Variants in KIF1B observed in about 807,000 individuals in gnomAD.
KIF1B encodes the protein kinesin family member 1B.
A neutral mutation model predicts 241.9 loss-of-function variants in KIF1B; 76 were observed. The ratio of observed to expected loss-of-function variants is 0.31; its 90% CI spans 0.26 to 0.38. KIF1B has a LOEUF of 0.38. KIF1B is among the 10% of genes least tolerant of loss of function. KIF1B has a pLI of 1.00. For missense variants in KIF1B, 1,622 were observed against 2,271.4 expected (o/e 0.71, Z 5.81); for synonymous variants, 750 against 796.7 (o/e 0.94, Z 0.99).
chr1:10,265,782 C>A (rs979825112), intron 5 of KIF1B, among the ~76,000 whole-genome samples: 23 of 151,992 alleles, frequency 1.5e-4, no homozygotes, highest in African/African-American at 5.6e-4. Flanking sequence ...CCCAGGAAGT[C>A]GAGGCTGCAG....
intron 24 of KIF1B, 52 bp from the exon 25 acceptor site, chr1:10,323,832 T>G: frequency 6.8e-7 from 1 of 1,466,474 alleles, no homozygotes. Flanking sequence ...GTCTCATCTC[T>G]GAAGCTTGCT....
intron 22 of KIF1B, chr1:10,304,580 C>T (rs1650730025): frequency 5.0e-6 from 8 of 1,614,144 alleles, no homozygotes; most frequent in Non-Finnish European, 6.8e-6. Context: ...CAGTTTGTGA[C>T]ACCTCCGCGG....
rs1249545848 is a variant in KIF1B at position 10,348,631 on chromosome 1, C to T, written c.3865-18C>T. On this transcript the variant is annotated intron_variant, in intron 36 of 48. Coordinates refer to ENST00000676179, the MANE Select transcript of KIF1B (RefSeq NM_001365951.3). ...ATAGATTGCTTCAGCTAAATTGCAA[C>T]CCTGCTTCATTACCTAGGGCATCCA... 1 of 1,606,386 alleles carries T rather than the reference C, an allele frequency of 6.2e-7. No homozygotes were observed. Among genetic ancestry groups the T allele is most frequent in the African/African-American group, 1.3e-5 (1 of 74,780 alleles).
At chr1:10,295,984 C>T (rs944358285) in intron 19 of KIF1B, among the ~76,000 whole-genome samples, 1 of 152,056 alleles carries the variant, frequency 6.6e-6, no homozygotes, top group African/African-American at 2.4e-5. Flanking sequence ...CTGCCAAGAA[C>T]TGAGAAGGAC....
At chr1:10,319,049 C>T (rs1411654624) in intron 22 of KIF1B, among the ~76,000 whole-genome samples, 3 of 151,230 alleles carry the variant, frequency 2.0e-5, no homozygotes, top group East Asian at 1.9e-4. Flanking sequence ...TATTGAAAAA[C>T]GCATGGAGTA....
In KIF1B at chr1:10,311,497, G is replaced by A. The variant is rs1263060684; in HGVS notation, c.2116-8546G>A. The stretch of plus-strand genomic sequence containing the variant: ...CAAAGTGCTGGGATTACGGGTGTGA[G>A]CCACCGCTCCAGGCCCCATTTTTTC... On this transcript the variant is annotated intron_variant, in intron 22 of 48. Transcript: ENST00000676179. 4.6e-5 allele frequency among the ~76,000 whole-genome samples: 7 copies of A among 151,298 alleles called. 1 individual carries two copies. The highest frequency in any genetic ancestry group is 1.7e-4 in the African/African-American group (7 of 40,652).
At chr1:10,266,559 ATAGT>A (rs1648474147) in intron 5 of KIF1B, among the ~76,000 whole-genome samples, 1 of 152,218 alleles carries the variant, frequency 6.6e-6, no homozygotes, top group African/African-American at 2.4e-5. Flanking sequence ...TACATCGTCC[ATAGT>A]TAGTAACAGT....
At chr1:10,363,038 C>T (rs1002372373) in intron 40 of KIF1B, among the ~76,000 whole-genome samples, 1 of 152,116 alleles carries the variant, frequency 6.6e-6, no homozygotes, top group Non-Finnish European at 1.5e-5. Flanking sequence ...CATCACTGCA[C>T]TCCAGCCTGG....
intron 39 of KIF1B, 120 bp from the exon 40 acceptor site, chr1:10,361,572 G>A: frequency 8.6e-7 from 1 of 1,168,324 alleles, no homozygotes; most frequent in East Asian, 2.3e-5. Flanking sequence ...GAAATAATTG[G>A]TGGAGCTAAA....
At position 10,343,961 on chromosome 1, in the gene KIF1B, A is replaced by T. The variant is rs144133720; in HGVS notation, c.3688+674A>T. On this transcript the variant is annotated intron_variant, in intron 34 of 48. Transcript: ENST00000676179. Reference sequence around the variant, plus strand: ...TCTTTGCATAGTAAATTTATTCTGTATGTTCAGTGATCTTGTTTTGATTTT... The same window carrying T: ...TCTTTGCATAGTAAATTTATTCTGTTTGTTCAGTGATCTTGTTTTGATTTT... Among the ~76,000 whole-genome samples the T allele has an allele frequency of 5.3e-3, 808 of 152,112 alleles. 6 individuals carry two copies. Among genetic ancestry groups the T allele is most frequent in the African/African-American group, 0.018 (766 of 41,478 alleles).
chr1:10,332,501 ATTTTTTTTTTTTTTT>A (rs568393252), intron 27 of KIF1B, among the ~76,000 whole-genome samples: 136 of 58,694 alleles, frequency 2.3e-3, no homozygotes, highest in Non-Finnish European at 3.4e-3. Context: ...GATAATAGTC[ATTTTTTTTTTTTTTT>A]TTTTTTTTTT....
Position 10,337,157 on chromosome 1 carries a change from T to C in KIF1B, c.3213T>C (p.Ser1071=), listed in dbSNP as rs1248609396. 1 of 1,614,224 alleles carries C rather than the reference T, an allele frequency of 6.2e-7. No homozygotes were observed. Among genetic ancestry groups the C allele is most frequent in the South Asian group, 1.1e-5 (1 of 91,086 alleles). Residue 1071 remains serine (S), a synonymous_variant, in exon 30 of 49, where the codon TCT becomes TCC. Coordinates refer to ENST00000676179, the MANE Select transcript of KIF1B (RefSeq NM_001365951.3). This position sits in a 1 kb window ranked among gnomAD's most constrained non-coding sequence, Gnocchi z 4.0. ...LRIVEGQGQS[S]EVITPPEEIS... Reference sequence around the variant, plus strand: ...TTGTGGAAGGACAGGGTCAGAGTTCTGAGGTCATCACTCCTCCAGAAGAAA... The same window carrying C: ...TTGTGGAAGGACAGGGTCAGAGTTCCGAGGTCATCACTCCTCCAGAAGAAA...
intron 32 of KIF1B, 99 bp from the exon 33 acceptor site, chr1:10,341,951 C>CAAAAA: frequency 1.4e-6 from 1 of 693,118 alleles, no homozygotes; most frequent in Non-Finnish European, 2.5e-6. Context: ...GACCTTGCCT[C>CAAAAA]AAAAAAAAAA....
intron 43 of KIF1B, among the ~76,000 whole-genome samples, chr1:10,367,971 C>A (rs778085674): frequency 5.3e-5 from 8 of 152,082 alleles, no homozygotes; most frequent in Non-Finnish European, 7.4e-5. Context: ...TCGTGATCCA[C>A]CTGCCTCAGC....
chr1:10,251,482 C>G (rs912522842), intron 2 of KIF1B, among the ~76,000 whole-genome samples: 1 of 151,788 alleles, frequency 6.6e-6, no homozygotes, highest in African/African-American at 2.4e-5. Context: ...CCCCTGTAAT[C>G]CCAGCACTTT....
At chr1:10,260,243 A>G (rs1209938388) in intron 4 of KIF1B, among the ~76,000 whole-genome samples, 1 of 152,204 alleles carries the variant, frequency 6.6e-6, no homozygotes, top group Non-Finnish European at 1.5e-5. Flanking sequence ...AAGTATTTGT[A>G]TATCTAAACA....
intron 17 of KIF1B, 59 bp from the exon 18 acceptor site, chr1:10,295,027 G>A: frequency 8.9e-7 from 1 of 1,129,862 alleles, no homozygotes; most frequent in Admixed American, 1.7e-5. Flanking sequence ...GGCCCCTGTT[G>A]TTACCACAGC....
In KIF1B at chr1:10,326,969, C is replaced by A. The variant is rs568086922; in HGVS notation, c.2924+610C>A. On this transcript the variant is annotated intron_variant, in intron 27 of 48. Coordinates refer to ENST00000676179, the MANE Select transcript of KIF1B (RefSeq NM_001365951.3). This position sits in a 1 kb window ranked among gnomAD's most constrained non-coding sequence, Gnocchi z 5.2. Reference sequence around the variant, plus strand: ...TGGCCAGTTTCACTGAGCCTATCTACGGATCTTTGGCATCTGCTAAAATTT... The same window carrying A: ...TGGCCAGTTTCACTGAGCCTATCTAAGGATCTTTGGCATCTGCTAAAATTT... Among the ~76,000 whole-genome samples the A allele has an allele frequency of 2.0e-5, 3 of 152,286 alleles. No homozygotes were observed. Among genetic ancestry groups the A allele is most frequent in the Non-Finnish European group, 4.4e-5 (3 of 68,020 alleles).
rs1279494000 is a variant in KIF1B at position 10,321,772 on chromosome 1, A to G, written c.2273A>G (p.Gln758Arg). 4 of 1,614,062 alleles carry G rather than the reference A, an allele frequency of 2.5e-6. No individual in the cohort carries two copies. The highest frequency in any genetic ancestry group is 3.4e-6 in the Non-Finnish European group (4 of 1,179,978). The change falls in exon 24 of 49, where the codon CAG (glutamine) becomes CGG (arginine). Residue 758 changes from glutamine to arginine, a missense_variant. Coordinates refer to ENST00000676179, the MANE Select transcript of KIF1B (RefSeq NM_001365951.3). ...GCCTTCCGGAAATGGAAGTCTCATCAGTTTACTTCATTACGGGACTTACTC... is the reference window on the plus strand; with the variant it reads ...GCCTTCCGGAAATGGAAGTCTCATCGGTTTACTTCATTACGGGACTTACTC... ...QWAFRKWKSH[Q>R]FTSLRDLLWG...
Sources: gnomAD v4.1 joint callset for allele counts (sites outside exome capture counted in the v4.1 genomes callset) on GRCh38, gnomAD v4.1.1 for gene constraint, Gnocchi (gnomAD v3.1) non-coding constraint, MANE v1.5 for transcripts, NCBI Gene and HGNC (gene_info 2026-07-23, HGNC 2026-07-21) for gene names.